The following PARD3B variants were observed in gnomAD, a reference collection of about 807,000 sequenced individuals.
PARD3B encodes par-3 family cell polarity regulator beta.
PARD3B carries 103 observed loss-of-function variants against 130.2 expected under a neutral mutation model. That is an observed-to-expected ratio of 0.79 (90% CI 0.67 to 0.93). The LOEUF (loss-of-function observed/expected upper bound fraction) is 0.93. PARD3B is among the 40% of genes least tolerant of loss of function. PARD3B has a pLI of 0.00. For synonymous variants in PARD3B, 583 were observed against 553.2 expected (o/e 1.05, Z -0.76); for missense variants, 1,609 against 1,499.2 (o/e 1.07, Z -1.21).
chr2:205,516,306 AATGGATCTGTAAATTCCAT>A (rs760257100), intron 21 of PARD3B, among the ~76,000 whole-genome samples: 8 of 151,952 alleles, frequency 5.3e-5, no homozygotes, highest in South Asian at 2.1e-4. Context: ...TGAATGGTAA[AATGGATCTGTAAATTCCAT>A]ATGGATCTGT....
chr2:205,288,842 A>G lies in PARD3B; in HGVS notation c.2186-11688A>G, dbSNP rs753439793. 1.3e-5 allele frequency among the ~76,000 whole-genome samples: 2 copies of G among 152,184 alleles called. No individual in the cohort carries two copies. The highest frequency in any genetic ancestry group is 2.4e-5 in the African/African-American group (1 of 41,438). On this transcript the variant is annotated intron_variant, in intron 16 of 22. Transcript: ENST00000406610. The surrounding 1 kb of genome is among the most constrained non-coding windows in gnomAD (Gnocchi z 4.0). ...GCATAAAGTCTTACTCAGTGACTTA[A>G]AGTCACACTGTGCTTTCTTTTCTCT...
chr2:205,294,631 A>G (rs140902529), intron 16 of PARD3B, among the ~76,000 whole-genome samples: 378 of 152,316 alleles, frequency 2.5e-3, no homozygotes, highest in Non-Finnish European at 4.0e-3. Context: ...AAAATAAAGT[A>G]TTTGGAGATA....
intron 1 of PARD3B, among the ~76,000 whole-genome samples, chr2:204,613,000 A>T (rs947572258): frequency 6.6e-6 from 1 of 152,102 alleles, no homozygotes; most frequent in African/African-American, 2.4e-5. Context: ...TATTAGTATG[A>T]TGATAAAATA....
chr2:205,309,920 C>G lies in PARD3B; in HGVS notation c.2630+8219C>G. On this transcript the variant is annotated intron_variant, in intron 18 of 22. Transcript: ENST00000406610. The surrounding 1 kb of genome is among the most constrained non-coding windows in gnomAD (Gnocchi z 4.7). The stretch of plus-strand genomic sequence containing the variant: ...TCTATCTATCTATCTATCTATCTAT[C>G]TATCTATCATCTATTTTTCATTGGA... Among the ~76,000 whole-genome samples the G allele has an allele frequency of 9.7e-6, 1 of 102,828 alleles. No homozygotes were observed. The highest frequency in any genetic ancestry group is 3.9e-4 in the South Asian group (1 of 2,554). 67.5% of individuals were successfully genotyped at this position (102,828 alleles called of 152,430 possible). A position where few individuals can be genotyped will look rare whatever the true frequency, so the allele number is the denominator to read the frequency against.
chr2:204,664,981 G>A lies in PARD3B; in HGVS notation c.121-21200G>A, dbSNP rs533445606. ...TTCTAGGTTCAGTTTTAGCAAATCC[G>A]TTGCTCTCATGAAGACTGTAGAGAA... is the stretch of plus-strand genomic sequence containing the variant. On this transcript the variant is annotated intron_variant, in intron 1 of 22. Coordinates refer to ENST00000406610, the MANE Select transcript of PARD3B (RefSeq NM_001302769.2). This position sits in a 1 kb window ranked among gnomAD's most constrained non-coding sequence, Gnocchi z 5.2. Among the ~76,000 whole-genome samples the A allele has an allele frequency of 6.6e-6, 1 of 152,190 alleles. No homozygotes were observed. Among genetic ancestry groups the A allele is most frequent in the South Asian group, 2.1e-4 (1 of 4,820 alleles).
At chr2:204,725,135 A>G (rs1469857563) in intron 2 of PARD3B, among the ~76,000 whole-genome samples, 1 of 152,066 alleles carries the variant, frequency 6.6e-6, no homozygotes, top group East Asian at 1.9e-4. Flanking sequence ...TTTCCAGGAG[A>G]TTTTCCTCTT....
chr2:205,310,968 C>T (rs10205892), intron 18 of PARD3B, among the ~76,000 whole-genome samples: 97,090 of 151,774 alleles, frequency 0.64, 31,969 homozygotes, highest in Admixed American at 0.76. Context: ...GTGATCTGCC[C>T]GCCTTGGCCT....
At chr2:204,607,554 G>A (rs1199206964) in intron 1 of PARD3B, among the ~76,000 whole-genome samples, 1 of 152,118 alleles carries the variant, frequency 6.6e-6, no homozygotes, top group East Asian at 1.9e-4. Flanking sequence ...CAGTGCACGT[G>A]TATCTACTTT....
intron 16 of PARD3B, among the ~76,000 whole-genome samples, chr2:205,255,867 C>G (rs567684957): frequency 1.3e-5 from 2 of 152,002 alleles, no homozygotes; most frequent in East Asian, 3.9e-4. Context: ...TGGAGGCTTC[C>G]GTAAGTAGGT....
In PARD3B at chr2:205,263,974, A is replaced by C. The variant is rs1197176757; in HGVS notation, c.2185+18152A>C. Among the ~76,000 whole-genome samples the C allele has an allele frequency of 1.3e-5, 2 of 151,200 alleles. No individual in the cohort carries two copies. The highest frequency in any genetic ancestry group is 4.9e-5 in the African/African-American group (2 of 41,160). On this transcript the variant is annotated intron_variant, in intron 16 of 22. Coordinates refer to ENST00000406610, the MANE Select transcript of PARD3B (RefSeq NM_001302769.2). This position sits in a 1 kb window ranked among gnomAD's most constrained non-coding sequence, Gnocchi z 4.0. ...TGTCAGAGAGAATAGGACACAAATGATAAATGTATTATAAAATGTGGCAGA... is the reference window on the plus strand; with the variant it reads ...TGTCAGAGAGAATAGGACACAAATGCTAAATGTATTATAAAATGTGGCAGA...
intron 15 of PARD3B, among the ~76,000 whole-genome samples, chr2:205,200,890 C>CGAGAGTGGG (rs2036951835): frequency 6.6e-6 from 1 of 152,026 alleles, no homozygotes; most frequent in African/African-American, 2.4e-5. Flanking sequence ...GTAGGATTTA[C>CGAGAGTGGG]GAGAGTGGGG....
At chr2:204,918,661 T>C (rs2047546193) in intron 2 of PARD3B, among the ~76,000 whole-genome samples, 1 of 152,126 alleles carries the variant, frequency 6.6e-6, no homozygotes, top group South Asian at 2.1e-4. Context: ...AATGCTTTTT[T>C]TACTTGCTTT....
intron 2 of PARD3B, among the ~76,000 whole-genome samples, chr2:204,881,379 T>C (rs1050190135): frequency 2.0e-5 from 3 of 152,236 alleles, no homozygotes; most frequent in Non-Finnish European, 4.4e-5. Flanking sequence ...TAAATCTTAA[T>C]TGAAAGCTCT....
At chr2:204,608,086 T>C (rs2033790880) in intron 1 of PARD3B, among the ~76,000 whole-genome samples, 1 of 152,142 alleles carries the variant, frequency 6.6e-6, no homozygotes, top group African/African-American at 2.4e-5. Flanking sequence ...CCCCAGCAGT[T>C]AGCTACTGCA....
chr2:204,585,518 A>AT (rs915166572), intron 1 of PARD3B, among the ~76,000 whole-genome samples: 2 of 133,518 alleles, frequency 1.5e-5, no homozygotes, highest in Admixed American at 7.4e-5. Context: ...TTTTTTTTTA[A>AT]TTTTTTGTGG....
intron 19 of PARD3B, among the ~76,000 whole-genome samples, chr2:205,433,513 C>T (rs987740845): frequency 3.6e-5 from 4 of 109,920 alleles, no homozygotes; most frequent in Non-Finnish European, 7.0e-5. Context: ...GCCTGGGCAA[C>T]AAGAGCAAGA....
Position 204,895,268 on chromosome 2 carries a change from C to A in PARD3B, c.223-69884C>A, listed in dbSNP as rs1333208903. Among the ~76,000 whole-genome samples the A allele has an allele frequency of 2.0e-5, 3 of 152,150 alleles. No homozygotes were observed. In the East Asian group the frequency reaches 5.8e-4, roughly 29 times the overall value. On this transcript the variant is annotated intron_variant, in intron 2 of 22. Coordinates refer to ENST00000406610, the MANE Select transcript of PARD3B (RefSeq NM_001302769.2). ...TGGTTTTTGAATCATTTTTAAAAGG[C>A]TAATTTGAAATGTGTTTTGCAATTT...
At chr2:205,312,652 A>T (rs922559251) in intron 18 of PARD3B, among the ~76,000 whole-genome samples, 1 of 152,172 alleles carries the variant, frequency 6.6e-6, no homozygotes, top group African/African-American at 2.4e-5. Flanking sequence ...GTAACTCTGA[A>T]TTTTCTCTCT....
chr2:205,304,874 G>A (rs1191663119), intron 18 of PARD3B, among the ~76,000 whole-genome samples: 1 of 152,196 alleles, frequency 6.6e-6, no homozygotes, highest in Non-Finnish European at 1.5e-5. Context: ...TAGCCTGGGA[G>A]GTAGAGGATA....
Sources: allele counts gnomAD v4.1 joint callset (sites outside exome capture counted in the v4.1 genomes callset), GRCh38; gene constraint gnomAD v4.1.1; non-coding constraint Gnocchi (gnomAD v3.1); transcripts MANE v1.5; gene names NCBI Gene and HGNC (gene_info 2026-07-23, HGNC 2026-07-21).